The following SIVA1 variants were observed in gnomAD, a reference collection of about 807,000 sequenced individuals.
SIVA1 encodes apoptosis regulatory protein Siva.
SIVA1 carries 10 observed loss-of-function variants against 19.7 expected under a neutral mutation model. The ratio of observed to expected loss-of-function variants is 0.51; its 90% confidence interval spans 0.31 to 0.86. The LOEUF is 0.86. Ranked by LOEUF, SIVA1 falls within the 40% of genes least tolerant of loss-of-function variation. The probability of loss-of-function intolerance (pLI) is 0.04; values close to 1 mark genes in which losing one functional copy is unlikely to be tolerated. For synonymous variants in SIVA1, 130 were observed against 106.1 expected (o/e 1.23, Z -1.39); for missense variants, 241 against 245.2 (o/e 0.98, Z 0.11).
At chr14:104,753,806 T>C in intron 1 of SIVA1, 1 of 453,636 alleles carries the variant, frequency 2.2e-6, no homozygotes, top group South Asian at 1.6e-5. Flanking sequence ...GCAAGACAGA[T>C]GTGCCCCGTC....
At chr14:104,753,938 A>C (rs1472030056) in intron 1 of SIVA1, 1 of 345,540 alleles carries the variant, frequency 2.9e-6, no homozygotes, top group Non-Finnish European at 6.2e-6. Context: ...TCTTGGAAGA[A>C]CAGTCTGAGC....
intron 2 of SIVA1, 132 bp from the exon 3 acceptor site, chr14:104,756,472 C>A: frequency 1.1e-6 from 1 of 950,098 alleles, no homozygotes; most frequent in Non-Finnish European, 1.6e-6. Context: ...TCAGAAGGAT[C>A]CAGTGTAGGT....
intron 1 of SIVA1, among the ~76,000 whole-genome samples, chr14:104,754,383 G>A (rs1483871507): frequency 6.6e-6 from 1 of 152,196 alleles, no homozygotes; most frequent in African/African-American, 2.4e-5. Flanking sequence ...GCTATTCTGG[G>A]CCATGGGGAG....
intron 2 of SIVA1, 189 bp from the exon 3 acceptor site, chr14:104,756,415 C>G: frequency 1.6e-6 from 1 of 620,484 alleles, no homozygotes; most frequent in Non-Finnish European, 2.8e-6. Flanking sequence ...CCTTGGATCT[C>G]TGTAGTAAAA....
intron 1 of SIVA1, chr14:104,753,606 C>G (rs1027618395): frequency 1.2e-5 from 6 of 484,798 alleles, no homozygotes; most frequent in African/African-American, 1.2e-4. Flanking sequence ...GGTTAGTCGC[C>G]GCCCTGCAGT....
intron 3 of SIVA1, chr14:104,757,282 T>C (rs1351416007): frequency 6.8e-6 from 3 of 441,560 alleles, no homozygotes; most frequent in Non-Finnish European, 1.4e-5. Context: ...TAGGGGCTAC[T>C]CACCTGGTGG....
At chr14:104,755,555 A>G (rs1255480686) in intron 1 of SIVA1, 75 bp from the exon 2 acceptor site, 13 of 1,298,822 alleles carry the variant, frequency 1.0e-5, no homozygotes, top group Admixed American at 2.0e-5. Flanking sequence ...ATGTGAGGCT[A>G]GAAAGACTCA....
chr14:104,754,209 C>G (rs1891810681), intron 1 of SIVA1, among the ~76,000 whole-genome samples: 1 of 152,082 alleles, frequency 6.6e-6, no homozygotes, highest in Admixed American at 6.5e-5. Flanking sequence ...CTTACCTTGC[C>G]TAGTGATTGG....
At chr14:104,754,573 T>C (rs1891822704) in intron 1 of SIVA1, among the ~76,000 whole-genome samples, 1 of 152,216 alleles carries the variant, frequency 6.6e-6, no homozygotes, top group Admixed American at 6.5e-5. Context: ...TGTGTGCCAC[T>C]CACCGGGTCA....
At chr14:104,753,886 C>T (rs1361646929) in intron 1 of SIVA1, 1 of 397,278 alleles carries the variant, frequency 2.5e-6, no homozygotes, top group Non-Finnish European at 5.3e-6. Flanking sequence ...GGGGCAGGCA[C>T]AGGTTTGTGC....
intron 2 of SIVA1, 84 bp downstream of exon 2, chr14:104,755,908 G>A (rs1891872408): frequency 1.5e-6 from 2 of 1,322,486 alleles, no homozygotes; most frequent in East Asian, 2.5e-5. Context: ...GCAAGGTCAG[G>A]CTTTTCCTCC....
In SIVA1 at chr14:104,755,662, C is replaced by G; in HGVS notation, c.151C>G (p.Gln51Glu). Residue 51 changes from glutamine to glutamate, a missense_variant, in exon 2 of 4, where the codon CAG (glutamine) becomes GAG (glutamate). Gln to Glu is a conservative substitution (Grantham distance 29). Coordinates refer to ENST00000329967, the MANE Select transcript of SIVA1 (RefSeq NM_006427.4). ...KTKRLLFLGA[Q>E]AYLDHVWDEG... ...CAAGCGACTCCTGTTCCTCGGGGCC[C>G]AGGCCTACCTGGACCACGTGTGGGA... The G allele has an allele frequency of 6.2e-7, 1 of 1,613,568 alleles. No homozygotes were observed. Among genetic ancestry groups the G allele is most frequent in the Non-Finnish European group, 8.5e-7 (1 of 1,179,902 alleles).
In SIVA1 at chr14:104,753,213, G is replaced by A. The variant is rs759984749; in HGVS notation, c.12G>A (p.Arg4=). The change falls in exon 1 of 4, where the codon CGG becomes CGA. Residue 4 remains arginine (R), a synonymous_variant. Coordinates refer to ENST00000329967, the MANE Select transcript of SIVA1 (RefSeq NM_006427.4). MPK[R]SCPFADVAPL... The stretch of plus-strand genomic sequence containing the variant: ...CCGGCCCCGCGGCCATGCCCAAGCG[G>A]AGCTGCCCCTTCGCGGACGTGGCCC... 1 of 1,576,796 alleles carries A rather than the reference G, an allele frequency of 6.3e-7. No individual in the cohort carries two copies. Among genetic ancestry groups the A allele is most frequent in the East Asian group, 2.4e-5 (1 of 42,508 alleles).
At position 104,755,741 on chromosome 14, in the gene SIVA1, G is replaced by A; in HGVS notation, c.230G>A (p.Gly77Glu). Residue 77 changes from glycine to glutamate, a missense_variant, in exon 2 of 4, where the codon GGG (glycine) becomes GAG (glutamate). Transcript: ENST00000329967. Reference sequence around the variant, plus strand: ...GAGTCCCCAAAGCCTGGCCCTACAGGGGCCCCGAGGGCTGCACGTGGGCAG... The same window carrying A: ...GAGTCCCCAAAGCCTGGCCCTACAGAGGCCCCGAGGGCTGCACGTGGGCAG... ...LPESPKPGPT[G>E]APRAARGQML... 6.2e-7 allele frequency: 1 copy of A among 1,614,148 alleles called. No individual in the cohort carries two copies. Among genetic ancestry groups the A allele is most frequent in the South Asian group, 1.1e-5 (1 of 91,082 alleles).
At chr14:104,757,327 C>T (rs1227408686) in intron 3 of SIVA1, 1 of 421,522 alleles carries the variant, frequency 2.4e-6, no homozygotes, top group Non-Finnish European at 4.8e-6. Flanking sequence ...GTTTGCCCTG[C>T]CCCGTGAGAA....
rs1891867335 is a variant in SIVA1, at chr14:104,755,807, G to A, written c.296G>A (p.Gly99Glu). The change falls in exon 2 of 4, where the codon GGG becomes GAG. Residue 99 changes from glycine (G) to glutamate (E), a missense_variant. Coordinates refer to ENST00000329967, the MANE Select transcript of SIVA1 (RefSeq NM_006427.4). ...GPDGRLIRSL[G>E]QASEADPSGV... ...GACGGCCGCCTGATCAGGAGCCTTG[G>A]GCAGGCCTCCGAAGCTGGTGAGTGG... The A allele has an allele frequency of 6.2e-7, 1 of 1,613,632 alleles. No homozygotes were observed. The highest frequency in any genetic ancestry group is 1.3e-5 in the African/African-American group (1 of 74,924).
At chr14:104,757,348 A>G (rs1267990587) in intron 3 of SIVA1, 2 of 406,310 alleles carry the variant, frequency 4.9e-6, no homozygotes, top group Non-Finnish European at 9.8e-6. Flanking sequence ...AGATGACTTC[A>G]TCCAGACACA....
Position 104,759,566 on chromosome 14 carries a change from C to A in SIVA1, c.*81C>A. On this transcript the variant is annotated 3_prime_UTR_variant, in exon 4 of 4. Transcript: ENST00000329967. This position sits in a 1 kb window ranked among gnomAD's most constrained non-coding sequence, Gnocchi z 4.2. The stretch of plus-strand genomic sequence containing the variant: ...CCTGGACGAGCGCTCGGTGTTCACA[C>A]TGAACTGTGGGGTCGACGGGAGGGG... 8.1e-7 allele frequency: 1 copy of A among 1,227,374 alleles called. No homozygotes were observed. Among genetic ancestry groups the A allele is most frequent in the Non-Finnish European group, 1.2e-6 (1 of 846,666 alleles). 76.0% of individuals were successfully genotyped at this position (1,227,374 alleles called of 1,614,324 possible). A position where few individuals can be genotyped will look rare whatever the true frequency, so the allele number is the denominator to read the frequency against.
At position 104,756,654 on chromosome 14, in the gene SIVA1, G is replaced by A. The variant is rs1201023771; in HGVS notation, c.364G>A (p.Asp122Asn). Residue 122 changes from aspartate to asparagine, a missense_variant, in exon 3 of 4, where the codon GAT becomes AAT. Physicochemically the swap from Asp to Asn is conservative, Grantham distance 23 (BLOSUM62 1). Coordinates refer to ENST00000329967, the MANE Select transcript of SIVA1 (RefSeq NM_006427.4). ...CTGTTCCTCATGCGTGCGAGCCGTG[G>A]ATGGGAAGGCGGTCTGCGGTCAGTG... Reference protein sequence around the residue: ...IACSSCVRAVDGKAVCGQCER... With the variant: ...IACSSCVRAVNGKAVCGQCER... 9.9e-6 allele frequency: 16 copies of A among 1,614,110 alleles called. No homozygotes were observed. Among genetic ancestry groups the A allele is most frequent in the South Asian group, 4.4e-5 (4 of 91,094 alleles).
Sources: allele counts gnomAD v4.1 joint callset (sites outside exome capture counted in the v4.1 genomes callset), GRCh38; gene constraint gnomAD v4.1.1; non-coding constraint Gnocchi (gnomAD v3.1); transcripts MANE v1.5; gene names NCBI Gene and HGNC (gene_info 2026-07-23, HGNC 2026-07-21).